METTL14: variants seen among roughly 807,000 people sequenced by gnomAD.
METTL14 encodes the protein methyltransferase 14, N6-adenosine-methyltransferase non-catalytic subunit.
A neutral mutation model predicts 62.4 loss-of-function variants in METTL14; 32 were observed. The observed-to-expected ratio is 0.51, with a 90% CI of 0.39 to 0.69. The LOEUF is 0.69. Among genes scored for constraint, METTL14 ranks in the 30% least tolerant of loss-of-function variants. The pLI is 0.00. For synonymous variants in METTL14, 150 were observed against 180.0 expected (o/e 0.83, Z 1.34); for missense variants, 340 against 551.9 (o/e 0.62, Z 3.85).
chr4:118,700,727 A>G (rs2110405793), intron 8 of METTL14, 85 bp downstream of exon 8: 4 of 872,222 alleles, frequency 4.6e-6, no homozygotes, highest in South Asian at 2.1e-5. Context: ...TTGAAAGTGG[A>G]TGTTATTTTG....
chr4:118,696,793 T>G (rs1724426877), intron 6 of METTL14, among the ~76,000 whole-genome samples: 1 of 152,006 alleles, frequency 6.6e-6, no homozygotes, highest in African/African-American at 2.4e-5. Flanking sequence ...ACTGAACAAT[T>G]GAGAATAAAA....
At chr4:118,699,650 A>G (rs935851503) in intron 7 of METTL14, among the ~76,000 whole-genome samples, 3 of 152,204 alleles carry the variant, frequency 2.0e-5, no homozygotes, top group Admixed American at 6.5e-5. Flanking sequence ...TTCTCTAGCC[A>G]ATCCGTGAGG....
intron 5 of METTL14, among the ~76,000 whole-genome samples, chr4:118,692,421 G>T (rs1047291847): frequency 1.3e-5 from 2 of 151,446 alleles, no homozygotes; most frequent in African/African-American, 4.9e-5. Flanking sequence ...TAGAGACGAG[G>T]TTTCACCATG....
rs570530366 is a variant in METTL14 at position 118,715,086 on chromosome 4, A to G, written c.*4784A>G. On this transcript the variant is annotated 3_prime_UTR_variant, in exon 11 of 11. Transcript: ENST00000388822. ...TTTAAAATTGCCGTATAATGATGTC[A>G]TTGCAAGCCATTCATCTATCCAATG... is the stretch of plus-strand genomic sequence containing the variant. 1.3e-5 allele frequency: 2 copies of G among 152,368 alleles called. No homozygotes were observed. Among genetic ancestry groups the G allele is most frequent in the African/African-American group, 4.8e-5 (2 of 41,578 alleles). 9.4% of individuals were successfully genotyped at this position (152,368 alleles called of 1,614,324 possible).
chr4:118,705,437 G>C (rs1056851499), intron 9 of METTL14, among the ~76,000 whole-genome samples, 174 bp from the exon 10 acceptor site: 1 of 152,186 alleles, frequency 6.6e-6, no homozygotes, highest in Non-Finnish European at 1.5e-5. Context: ...TCGTGCTACT[G>C]TACTCCAGCC....
chr4:118,697,787 T>C (rs1724458350), intron 7 of METTL14, among the ~76,000 whole-genome samples: 1 of 152,122 alleles, frequency 6.6e-6, no homozygotes, highest in Admixed American at 6.5e-5. Flanking sequence ...GATTAAACGA[T>C]GGAGTCCTGC....
intron 10 of METTL14, among the ~76,000 whole-genome samples, 192 bp downstream of exon 10, chr4:118,706,013 C>T (rs996861927): frequency 2.0e-5 from 3 of 152,118 alleles, no homozygotes; most frequent in African/African-American, 7.2e-5. Flanking sequence ...TACCTGCTGC[C>T]CCCACACATG....
chr4:118,697,682 T>G (rs1724454352), intron 7 of METTL14, among the ~76,000 whole-genome samples: 1 of 152,292 alleles, frequency 6.6e-6, no homozygotes, highest in South Asian at 2.1e-4. Context: ...AGCTTGTTTA[T>G]GTATATAAAA....
At chr4:118,693,450 A>C (rs1323344937) in intron 5 of METTL14, among the ~76,000 whole-genome samples, 4 of 152,136 alleles carry the variant, frequency 2.6e-5, no homozygotes, top group Admixed American at 6.5e-5. Flanking sequence ...ATAATTTGCG[A>C]ATATTTTCTC....
chr4:118,694,689 C>T (rs1052669745), intron 6 of METTL14, among the ~76,000 whole-genome samples, 163 bp downstream of exon 6: 1 of 152,098 alleles, frequency 6.6e-6, no homozygotes, highest in Non-Finnish European at 1.5e-5. Context: ...AAGGCTGGTG[C>T]TCATTATGTT....
Position 118,685,527 on chromosome 4 carries a change from G to C in METTL14, c.-8G>C. ...GTACTCGGGATAGTGAAAAGCCGGAGTTGGAACATGGATAGCCGCTTGCAG... is the reference window on the plus strand; with the variant it reads ...GTACTCGGGATAGTGAAAAGCCGGACTTGGAACATGGATAGCCGCTTGCAG... On this transcript the variant is annotated 5_prime_UTR_variant, in exon 1 of 11. Transcript: ENST00000388822. 6.2e-7 allele frequency: 1 copy of C among 1,614,126 alleles called. No individual in the cohort carries two copies. Among genetic ancestry groups the C allele is most frequent in the Non-Finnish European group, 8.5e-7 (1 of 1,179,958 alleles).
At chr4:118,701,539 G>C (rs1428439273) in intron 8 of METTL14, among the ~76,000 whole-genome samples, 1 of 152,064 alleles carries the variant, frequency 6.6e-6, no homozygotes, top group Non-Finnish European at 1.5e-5. Context: ...TTTTAAACAA[G>C]AATAACAACA....
intron 8 of METTL14, among the ~76,000 whole-genome samples, chr4:118,703,377 C>T (rs867965134): frequency 6.6e-6 from 1 of 151,968 alleles, no homozygotes; most frequent in Non-Finnish European, 1.5e-5. Flanking sequence ...TCTCTGTTTT[C>T]TAGATTATAT....
rs1414004304 is a variant in METTL14, at chr4:118,715,220, T to C, written c.*4918T>C. 6.6e-6 allele frequency: 1 copy of C among 152,240 alleles called. No individual in the cohort carries two copies. The highest frequency in any genetic ancestry group is 2.4e-5 in the African/African-American group (1 of 41,468). The allele number at this position is 152,240 out of a possible 1,614,324, so 9.4% of individuals were successfully genotyped here. A position where few individuals can be genotyped will look rare whatever the true frequency, so the allele number is the denominator to read the frequency against. ...TTGTTATCATAAGAGAATGGCTACA[T>C]CATTATCCTGCCTTTTCTGGGTGTT... On this transcript the variant is annotated 3_prime_UTR_variant, in exon 11 of 11. Coordinates refer to ENST00000388822, the MANE Select transcript of METTL14 (RefSeq NM_020961.4).
At chr4:118,709,891 T>C (rs1048232848) in intron 10 of METTL14, 107 bp from the exon 11 acceptor site, 1 of 1,069,882 alleles carries the variant, frequency 9.3e-7, no homozygotes. Context: ...ATTGGATGAA[T>C]GATGGGGACA....
At chr4:118,706,622 A>G (rs893365748) in intron 10 of METTL14, among the ~76,000 whole-genome samples, 1 of 152,218 alleles carries the variant, frequency 6.6e-6, no homozygotes, top group Non-Finnish European at 1.5e-5. Flanking sequence ...GCTGGATTGT[A>G]TGGTAAGAAT....
chr4:118,692,988 A>G (rs62328062), intron 5 of METTL14, among the ~76,000 whole-genome samples: 9,479 of 152,238 alleles, frequency 0.062, 406 homozygotes, highest in Middle Eastern at 0.28. Context: ...ATCGATGTTG[A>G]AGCATGTGCC....
chr4:118,696,951 A>T (rs1371184265), intron 6 of METTL14, among the ~76,000 whole-genome samples: 2 of 152,168 alleles, frequency 1.3e-5, no homozygotes. Context: ...AATTACGTTC[A>T]TGTCTTAAGA....
At chr4:118,698,181 G>A (rs575420828) in intron 7 of METTL14, among the ~76,000 whole-genome samples, 105 of 152,216 alleles carry the variant, frequency 6.9e-4, no homozygotes, top group African/African-American at 2.2e-3. Context: ...ATGGCCAGGT[G>A]TGGTGTCTCA....
Sources: gnomAD v4.1 joint callset for allele counts (sites outside exome capture counted in the v4.1 genomes callset) on GRCh38, gnomAD v4.1.1 for gene constraint, MANE v1.5 for transcripts, NCBI Gene and HGNC (gene_info 2026-07-23, HGNC 2026-07-21) for gene names.